The following RALGPS2 variants were observed in gnomAD, a reference collection of about 807,000 sequenced individuals.
RALGPS2 encodes the protein Ral GEF with PH domain and SH3 binding motif 2.
RALGPS2 carries 43 observed loss-of-function variants against 86.8 expected under a neutral mutation model. The ratio of observed to expected loss-of-function variants is 0.50; its 90% CI spans 0.39 to 0.64. RALGPS2 has a LOEUF of 0.64. Among genes scored for constraint, RALGPS2 ranks in the 30% least tolerant of loss-of-function variants. RALGPS2 has a pLI of 0.00. For synonymous variants in RALGPS2, 243 were observed against 231.3 expected (o/e 1.05, Z -0.46); for missense variants, 536 against 694.6 (o/e 0.77, Z 2.57).
At position 178,821,601 on chromosome 1, in the gene RALGPS2, C is replaced by T. The variant is rs777201218; in HGVS notation, c.388-11C>T. On this transcript the variant is annotated splice_polypyrimidine_tract_variant and intron_variant, in intron 6 of 19. Transcript: ENST00000367635. The stretch of plus-strand genomic sequence containing the variant: ...TTCATCCCTCTCCCCCATTTTTTTT[C>T]AAATCTTCAGAAACTGTATGAGCTG... 2 of 1,593,180 alleles carry T rather than the reference C, an allele frequency of 1.3e-6. No homozygotes were observed. Among genetic ancestry groups the T allele is most frequent in the Admixed American group, 1.8e-5 (1 of 55,306 alleles).
chr1:178,890,559 A>C (rs569326346), intron 14 of RALGPS2, among the ~76,000 whole-genome samples: 1 of 151,870 alleles, frequency 6.6e-6, no homozygotes, highest in Non-Finnish European at 1.5e-5. Context: ...TAATTGCATA[A>C]CTCCTTATCA....
chr1:178,902,587 G>A (rs1660223527), intron 18 of RALGPS2, among the ~76,000 whole-genome samples: 1 of 152,032 alleles, frequency 6.6e-6, no homozygotes, highest in African/African-American at 2.4e-5. Flanking sequence ...TGCCATATAG[G>A]CCATACTGCT....
intron 4 of RALGPS2, among the ~76,000 whole-genome samples, chr1:178,795,428 T>G (rs1654144108): frequency 6.6e-6 from 1 of 152,164 alleles, no homozygotes; most frequent in Non-Finnish European, 1.5e-5. Context: ...TTGTTTGTTT[T>G]TTGAGACAAA....
In RALGPS2 at chr1:178,892,298, A is replaced by G; in HGVS notation, c.1316A>G (p.Lys439Arg). Reference sequence around the variant, plus strand: ...CGAAATGGCTATCGAAGTCACATGAAGGCCAGCAGGTACAATTCCCCTGCA... The same window carrying G: ...CGAAATGGCTATCGAAGTCACATGAGGGCCAGCAGGTACAATTCCCCTGCA... ...VARNGYRSHM[K>R]ASSSAESEDL... Residue 439 changes from lysine to arginine, a missense_variant, in exon 15 of 20, where the codon AAG (lysine) becomes AGG (arginine). Lys to Arg is a conservative substitution (Grantham distance 26). This residue lies in a region of RALGPS2 where 309 missense variants were observed against 363.0 expected (regional missense o/e 0.85). Transcript: ENST00000367635. 1 of 1,612,458 alleles carries G rather than the reference A, an allele frequency of 6.2e-7. No individual in the cohort carries two copies.
intron 4 of RALGPS2, among the ~76,000 whole-genome samples, chr1:178,798,530 A>G (rs1654313975): frequency 6.6e-6 from 1 of 152,248 alleles, no homozygotes; most frequent in Non-Finnish European, 1.5e-5. Context: ...ACGACATTAC[A>G]GGAACAGGTT....
At chr1:178,775,732 A>T (rs1000413236) in intron 1 of RALGPS2, among the ~76,000 whole-genome samples, 3 of 152,138 alleles carry the variant, frequency 2.0e-5, no homozygotes, top group East Asian at 1.9e-4. Flanking sequence ...TTTGTTTGTT[A>T]TGTGGGTATA....
chr1:178,910,285 CAGTA>C (rs1364322062), intron 19 of RALGPS2, among the ~76,000 whole-genome samples: 1 of 152,106 alleles, frequency 6.6e-6, no homozygotes, highest in East Asian at 1.9e-4. Flanking sequence ...CTGGGACCTC[CAGTA>C]AGTATTATGT....
intron 1 of RALGPS2, among the ~76,000 whole-genome samples, chr1:178,769,681 T>C (rs1484310621): frequency 6.6e-6 from 1 of 152,154 alleles, no homozygotes; most frequent in African/African-American, 2.4e-5. Flanking sequence ...TTTCAGGTCA[T>C]GAAGCTGGCC....
intron 7 of RALGPS2, among the ~76,000 whole-genome samples, chr1:178,828,489 G>A (rs1655860502): frequency 1.3e-5 from 2 of 152,162 alleles, no homozygotes; most frequent in Non-Finnish European, 2.9e-5. Flanking sequence ...ATAATCTTAT[G>A]GGACCACTGT....
intron 8 of RALGPS2, among the ~76,000 whole-genome samples, chr1:178,866,894 C>G (rs1434638039): frequency 2.6e-5 from 4 of 152,120 alleles, no homozygotes; most frequent in Non-Finnish European, 5.9e-5. Context: ...AGAGCCAAGA[C>G]TTTTTCCTTT....
intron 1 of RALGPS2, among the ~76,000 whole-genome samples, chr1:178,729,221 AC>A (rs1273897250): frequency 6.6e-6 from 1 of 151,940 alleles, no homozygotes; most frequent in Non-Finnish European, 1.5e-5. Context: ...TTTTCTGAAA[AC>A]CTTATTAAAT....
intron 13 of RALGPS2, among the ~76,000 whole-genome samples, chr1:178,887,433 T>A (rs1558171877): frequency 6.6e-6 from 1 of 152,170 alleles, no homozygotes; most frequent in Non-Finnish European, 1.5e-5. Context: ...CCTGCCTGGA[T>A]CACAGAGCGA....
intron 1 of RALGPS2, among the ~76,000 whole-genome samples, chr1:178,762,204 G>A (rs2102067113): frequency 6.6e-6 from 1 of 152,274 alleles, no homozygotes; most frequent in East Asian, 1.9e-4. Context: ...TTTTATGGCT[G>A]TGTAGTATTC....
intron 4 of RALGPS2, among the ~76,000 whole-genome samples, chr1:178,794,720 A>G (rs1488992098): frequency 6.6e-6 from 1 of 152,196 alleles, no homozygotes; most frequent in East Asian, 1.9e-4. Flanking sequence ...TTTTCTTTCC[A>G]GTAGCAATTC....
intron 7 of RALGPS2, among the ~76,000 whole-genome samples, chr1:178,829,172 A>G (rs1485803976): frequency 6.6e-6 from 1 of 152,270 alleles, no homozygotes; most frequent in Non-Finnish European, 1.5e-5. Context: ...ATGCTACTGC[A>G]CAATTTCACT....
At chr1:178,885,856 A>G in intron 12 of RALGPS2, 113 bp from the exon 13 acceptor site, 1 of 920,774 alleles carries the variant, frequency 1.1e-6, no homozygotes, top group Non-Finnish European at 1.6e-6. Flanking sequence ...TTTTATGGTA[A>G]GATCTGAGTA....
intron 2 of RALGPS2, among the ~76,000 whole-genome samples, chr1:178,782,942 T>C (rs1653465912): frequency 6.6e-6 from 1 of 152,100 alleles, no homozygotes; most frequent in Non-Finnish European, 1.5e-5. Context: ...CATTTCTAGC[T>C]TTCAACAAAA....
chr1:178,770,915 T>C (rs1219272781), intron 1 of RALGPS2, among the ~76,000 whole-genome samples: 1 of 149,126 alleles, frequency 6.7e-6, no homozygotes, highest in Non-Finnish European at 1.5e-5. Flanking sequence ...CTCGGTTCAC[T>C]GCAACCTCCC....
rs1364237796 is a variant in RALGPS2 at position 178,833,481 on chromosome 1, G to A, written c.538G>A (p.Glu180Lys). The A allele has an allele frequency of 6.5e-7, 1 of 1,532,094 alleles. No homozygotes were observed. Among genetic ancestry groups the A allele is most frequent in the Non-Finnish European group, 8.7e-7 (1 of 1,151,844 alleles). The allele number at this position is 1,532,094 out of a possible 1,614,324, so 94.9% of individuals were successfully genotyped here. A position where few individuals can be genotyped will look rare whatever the true frequency, so the allele number is the denominator to read the frequency against. The change falls in exon 8 of 20, where the codon GAA becomes AAA. Residue 180 changes from glutamate to lysine, a missense_variant. Physicochemically the swap from Glu to Lys is moderately conservative, Grantham distance 56 (BLOSUM62 1). Coordinates refer to ENST00000367635, the MANE Select transcript of RALGPS2 (RefSeq NM_152663.5). ...FEKLEYVMSK[E>K]DNYKRLRDYI... ...AAAATTAGAATATGTAATGAGTAAA[G>A]AAGATAACTACAAAAGACTCAGAGA...
Sources: gnomAD v4.1 joint callset for allele counts (sites outside exome capture counted in the v4.1 genomes callset) on GRCh38, gnomAD v4.1.1 for gene constraint, gnomAD v4.1.1 regional missense constraint, MANE v1.5 for transcripts, NCBI Gene and HGNC (gene_info 2026-07-23, HGNC 2026-07-21) for gene names.